Variants in MARK2 observed in about 807,000 individuals in gnomAD.
The protein encoded by MARK2 is serine/threonine-protein kinase MARK2.
MARK2 carries 16 observed loss-of-function variants against 89.8 expected under a neutral mutation model. The observed-to-expected ratio is 0.18, with a 90% CI of 0.12 to 0.27. MARK2 has a LOEUF of 0.27. Among genes scored for constraint, MARK2 ranks in the 10% least tolerant of loss-of-function variants. The pLI, the probability that MARK2 is intolerant of heterozygous loss-of-function variation, is 1.00. For missense variants in MARK2, 621 were observed against 1,049.9 expected, an observed-to-expected ratio of 0.59 and a Z score of 5.65; for synonymous variants, 382 against 399.5, an observed-to-expected ratio of 0.96 and a Z score of 0.52.
intron 3 of MARK2, among the ~76,000 whole-genome samples, chr11:63,897,118 C>G (rs1940473396): frequency 6.6e-6 from 1 of 152,202 alleles, no homozygotes; most frequent in Admixed American, 6.5e-5. Flanking sequence ...GGGGTCTAGA[C>G]AAGCCCAGAA....
At chr11:63,905,792 A>C (rs1941275183) in intron 16 of MARK2, among the ~76,000 whole-genome samples, 1 of 152,214 alleles carries the variant, frequency 6.6e-6, no homozygotes, top group Non-Finnish European at 1.5e-5. Context: ...CTCAGGAAGC[A>C]GCAGGGGCTT....
rs1246749865 is a variant in MARK2, at chr11:63,898,647, A to G, written c.377A>G (p.Tyr126Cys). Reference protein sequence around the residue: ...FEVIETEKTLYLVMEYASGGE... With the variant: ...FEVIETEKTLCLVMEYASGGE... ...GTGATTGAGACTGAGAAAACGCTCTACCTTGTCATGGAGTACGCTAGTGGC... is the reference window on the plus strand; with the variant it reads ...GTGATTGAGACTGAGAAAACGCTCTGCCTTGTCATGGAGTACGCTAGTGGC... Residue 126 changes from tyrosine to cysteine, a missense_variant, in exon 5 of 19, where the codon TAC becomes TGC. Transcript: ENST00000402010. The G allele has an allele frequency of 6.2e-7, 1 of 1,614,086 alleles. No homozygotes were observed.
chr11:63,864,677 G>T (rs575386572), intron 1 of MARK2, among the ~76,000 whole-genome samples: 3 of 151,318 alleles, frequency 2.0e-5, no homozygotes, highest in Admixed American at 6.6e-5. Context: ...GATTACAGGC[G>T]TGAGCCACTG....
chr11:63,878,433 G>A (rs1025756143), intron 1 of MARK2, among the ~76,000 whole-genome samples: 1 of 132,996 alleles, frequency 7.5e-6, no homozygotes, highest in Admixed American at 9.1e-5. Context: ...TCAGTGGCAC[G>A]ATCTCGGCTC....
intron 1 of MARK2, among the ~76,000 whole-genome samples, chr11:63,873,367 C>T (rs1186425883): frequency 6.6e-6 from 1 of 152,138 alleles, no homozygotes; most frequent in African/African-American, 2.4e-5. Flanking sequence ...TGCATCTTCC[C>T]TGGCCTCAAC....
At chr11:63,861,356 C>A (rs1937766970) in intron 1 of MARK2, among the ~76,000 whole-genome samples, 2 of 152,066 alleles carry the variant, frequency 1.3e-5, no homozygotes, top group Admixed American at 6.6e-5. Context: ...AATTGCTTGA[C>A]CCCGGGAGGT....
intron 4 of MARK2, 74 bp from the exon 5 acceptor site, chr11:63,898,534 C>T: frequency 4.2e-6 from 5 of 1,193,172 alleles, no homozygotes; most frequent in Middle Eastern, 1.9e-4. Context: ...TCCTAGGATG[C>T]TCCTGGACAT....
chr11:63,903,540 G>A lies in MARK2; in HGVS notation c.1514+382G>A. The A allele has an allele frequency of 3.5e-6, 1 of 288,452 alleles. No individual in the cohort carries two copies. The highest frequency in any genetic ancestry group is 2.2e-5 in the African/African-American group (1 of 45,636). 17.9% of individuals were successfully genotyped at this position (288,452 alleles called of 1,614,324 possible). On this transcript the variant is annotated intron_variant, in intron 14 of 18. Coordinates refer to ENST00000402010, the MANE Select transcript of MARK2 (RefSeq NM_001039469.3). This position sits in a 1 kb window ranked among gnomAD's most constrained non-coding sequence, Gnocchi z 5.1. ...CTTGAGGGGTGTACACATAGAGGGC[G>A]ACTCCAGCCATCCCCATGAGACCAG...
intron 3 of MARK2, among the ~76,000 whole-genome samples, chr11:63,897,616 T>C (rs1357334239): frequency 1.3e-5 from 2 of 152,224 alleles, no homozygotes; most frequent in Non-Finnish European, 2.9e-5. Context: ...TCTTTCTTTA[T>C]GGAAATACAT....
intron 1 of MARK2, among the ~76,000 whole-genome samples, chr11:63,862,716 C>G (rs1237411342): frequency 6.6e-6 from 1 of 152,132 alleles, no homozygotes; most frequent in East Asian, 1.9e-4. Flanking sequence ...TTAGAAAAAC[C>G]AAAGCCCCGA....
In MARK2 at chr11:63,902,279, G is replaced by A; in HGVS notation, c.1183G>A (p.Val395Ile). Residue 395 changes from valine (V) to isoleucine (I), a missense_variant, in exon 12 of 19, where the codon GTA becomes ATA. Val to Ile is a conservative substitution (Grantham distance 29). Coordinates refer to ENST00000402010, the MANE Select transcript of MARK2 (RefSeq NM_001039469.3). The surrounding 1 kb of genome is among the most constrained non-coding windows in gnomAD (Gnocchi z 4.2). Reference sequence around the variant, plus strand: ...CAGCGCCCCATCCCCATCCCACAAGGTACAGCGCAGCGTGTCGGCCAATCC... The same window carrying A: ...CAGCGCCCCATCCCCATCCCACAAGATACAGCGCAGCGTGTCGGCCAATCC... ...NSSAPSPSHK[V>I]QRSVSANPKQ... 6.2e-7 allele frequency: 1 copy of A among 1,614,108 alleles called. No homozygotes were observed. The highest frequency in any genetic ancestry group is 8.5e-7 in the Non-Finnish European group (1 of 1,180,006).
At chr11:63,875,782 C>T (rs1270468983) in intron 1 of MARK2, among the ~76,000 whole-genome samples, 1 of 152,196 alleles carries the variant, frequency 6.6e-6, no homozygotes. Flanking sequence ...GCCTGGCCGC[C>T]AGAGAGGCTG....
chr11:63,877,258 C>G (rs567037448), intron 1 of MARK2, among the ~76,000 whole-genome samples: 15 of 151,450 alleles, frequency 9.9e-5, no homozygotes, highest in Non-Finnish European at 1.8e-4. Context: ...CTACAGGTGC[C>G]CACCACCACG....
chr11:63,901,534 A>C (rs1940883949), intron 11 of MARK2, among the ~76,000 whole-genome samples: 1 of 118,714 alleles, frequency 8.4e-6, no homozygotes, highest in Non-Finnish European at 1.6e-5. Context: ...GCTGGAGTGC[A>C]ATGGCAGGAT....
In MARK2 at chr11:63,888,585, C is replaced by T. The variant is rs990294813; in HGVS notation, c.55-6574C>T. On this transcript the variant is annotated intron_variant, in intron 1 of 18. Coordinates refer to ENST00000402010, the MANE Select transcript of MARK2 (RefSeq NM_001039469.3). ...TCCCCTCCTGCCCCTTCCCTCCCACCTTGCTTCTGGTGTGCTGTCCTGGAA... is the reference window on the plus strand; with the variant it reads ...TCCCCTCCTGCCCCTTCCCTCCCACTTTGCTTCTGGTGTGCTGTCCTGGAA... 12 of 1,044,698 alleles carry T rather than the reference C, an allele frequency of 1.1e-5. 1 individual carries two copies. The East Asian group carries it at 2.4e-4, about 21-fold the overall frequency. 64.7% of individuals were successfully genotyped at this position (1,044,698 alleles called of 1,614,324 possible).
chr11:63,875,954 C>T (rs536848148), intron 1 of MARK2, among the ~76,000 whole-genome samples: 1 of 152,356 alleles, frequency 6.6e-6, no homozygotes, highest in African/African-American at 2.4e-5. Context: ...AATGGACTTA[C>T]TCTGGCCACA....
At position 63,909,311 on chromosome 11, in the gene MARK2, G is replaced by A. The variant is rs1320579447; in HGVS notation, c.*74G>A. 6.3e-6 allele frequency: 9 copies of A among 1,435,760 alleles called. No individual in the cohort carries two copies. Among genetic ancestry groups the A allele is most frequent in the South Asian group, 1.4e-5 (1 of 70,298 alleles). The allele number at this position is 1,435,760 out of a possible 1,614,324, so 88.9% of individuals were successfully genotyped here. On this transcript the variant is annotated 3_prime_UTR_variant, in exon 19 of 19. Coordinates refer to ENST00000402010, the MANE Select transcript of MARK2 (RefSeq NM_001039469.3). Reference sequence around the variant, plus strand: ...GCCGGCCGCTGCGCCGCCCCACCTGGGCGAGACTGCAGCGATGGATTGGTG... The same window carrying A: ...GCCGGCCGCTGCGCCGCCCCACCTGAGCGAGACTGCAGCGATGGATTGGTG...
intron 18 of MARK2, among the ~76,000 whole-genome samples, chr11:63,908,654 C>G (rs1941544012): frequency 1.3e-5 from 2 of 152,184 alleles, no homozygotes; most frequent in Admixed American, 1.3e-4. Flanking sequence ...TTCCCTGACC[C>G]CACCCCGCCT....
At chr11:63,850,924 C>G (rs34200160) in intron 1 of MARK2, among the ~76,000 whole-genome samples, 2,042 of 152,194 alleles carry the variant, frequency 0.013, 26 homozygotes, top group Non-Finnish European at 0.019. Context: ...TTGGCCTCCC[C>G]AAGTGCTGGG....
Sources: gnomAD v4.1 joint callset for allele counts (sites outside exome capture counted in the v4.1 genomes callset) on GRCh38, gnomAD v4.1.1 for gene constraint, Gnocchi (gnomAD v3.1) non-coding constraint, MANE v1.5 for transcripts, NCBI Gene and HGNC (gene_info 2026-07-23, HGNC 2026-07-21) for gene names.